Variants in CCDC39 observed in about 807,000 individuals in gnomAD.
CCDC39 encodes coiled-coil domain-containing protein 39.
Under a neutral mutation model 121.0 loss-of-function variants are expected in CCDC39, and 113 were observed. That is an observed-to-expected ratio of 0.93 (90% CI 0.80 to 1.09). The LOEUF (loss-of-function observed/expected upper bound fraction) is 1.09. Among genes scored for constraint, CCDC39 ranks in the 50% least tolerant of loss-of-function variants. The probability of loss-of-function intolerance (pLI) is 0.00; values close to 1 mark genes in which losing one functional copy is unlikely to be tolerated. For synonymous variants in CCDC39, 349 were observed against 352.2 expected (o/e 0.99, Z 0.10); for missense variants, 1,063 against 1,074.7 (o/e 0.99, Z 0.15).
chr3:180,641,039 TC>T (rs1717941968), intron 13 of CCDC39, among the ~76,000 whole-genome samples: 1 of 152,010 alleles, frequency 6.6e-6, no homozygotes, highest in Admixed American at 6.6e-5. Context: ...ATTAAAATAT[TC>T]CCTAACAAAA....
chr3:180,650,865 A>G (rs1718185398), intron 9 of CCDC39, among the ~76,000 whole-genome samples: 1 of 151,928 alleles, frequency 6.6e-6, no homozygotes. Context: ...TCAAAAAAAT[A>G]AAATAAAATA....
Position 180,631,582 on chromosome 3 carries a change from G to A in CCDC39, c.1885C>T (p.Arg629Cys), listed in dbSNP as rs199526690. 380 of 1,606,264 alleles carry A rather than the reference G, an allele frequency of 2.4e-4. No individual in the cohort carries two copies. In the Middle Eastern group the frequency reaches 4.5e-3, roughly 19 times the overall value. ...TTCTCAATTTTACTTAGCCGCTCGCGAAACTCAGTGCTAATAAGAAAAAGA... is the reference window on the plus strand; with the variant it reads ...TTCTCAATTTTACTTAGCCGCTCGCAAAACTCAGTGCTAATAAGAAAAAGA... ...QERENISTEFRERLSKIEKLK... is the reference protein window; with the variant it reads ...QERENISTEFCERLSKIEKLK... Residue 629 changes from arginine (R) to cysteine (C), a missense_variant, in exon 14 of 20, where the codon CGC (arginine) becomes TGC (cysteine). Transcript: ENST00000476379.
At chr3:180,622,676 A>T (rs1406217693) in intron 14 of CCDC39, among the ~76,000 whole-genome samples, 1 of 151,880 alleles carries the variant, frequency 6.6e-6, no homozygotes, top group Non-Finnish European at 1.5e-5. Flanking sequence ...TGATTATATG[A>T]TTTTTGTCTT....
rs919269092 is a variant in CCDC39, at chr3:180,651,596, T to C, written c.1035-63A>G. 143 of 1,405,218 alleles carry C rather than the reference T, an allele frequency of 1.0e-4. No homozygotes were observed. The East Asian group carries it at 3.7e-3, about 36-fold the overall frequency. 87.0% of individuals were successfully genotyped at this position (1,405,218 alleles called of 1,614,324 possible). On this transcript the variant is annotated intron_variant, in intron 8 of 19. Transcript: ENST00000476379. ...CTAAAAAGCATTTCATACAAACAAA[T>C]AATAGTTTATCCTAATATTTATTTG...
rs1717695462 is a variant in CCDC39 at position 180,631,498 on chromosome 3, CCTCTT to C, written c.1964_1968del (p.Glu655GlyfsTer23). The C allele has an allele frequency of 2.5e-6, 4 of 1,607,138 alleles. No homozygotes were observed. Among genetic ancestry groups the C allele is most frequent in the Non-Finnish European group, 3.4e-6 (4 of 1,178,972 alleles). ...ATTACATAATAGGCCTGTGTTTTCT[CCTCTT>C]CTCCTTCAGGAGGCAGCATAACAAC... On this transcript the variant is annotated frameshift_variant, in exon 14 of 20. Coordinates refer to ENST00000476379, the MANE Select transcript of CCDC39 (RefSeq NM_181426.2). LOFTEE classifies it high-confidence loss of function.
chr3:180,673,079 TGAG>T (rs1323147917), intron 1 of CCDC39, among the ~76,000 whole-genome samples: 3 of 152,224 alleles, frequency 2.0e-5, no homozygotes, highest in Non-Finnish European at 4.4e-5. Flanking sequence ...CTTGAACAGA[TGAG>T]GAGTTGTCTC....
chr3:180,647,562 G>A (rs1425668358), intron 10 of CCDC39, among the ~76,000 whole-genome samples: 1 of 152,004 alleles, frequency 6.6e-6, no homozygotes, highest in East Asian at 1.9e-4. Context: ...GGATTTCTGA[G>A]GGCACATTAT....
At chr3:180,623,678 T>G in intron 14 of CCDC39, among the ~76,000 whole-genome samples, 1 of 152,130 alleles carries the variant, frequency 6.6e-6, no homozygotes, top group East Asian at 1.9e-4. Context: ...TTTCAAAAAT[T>G]TTTTTAAATT....
In CCDC39 at chr3:180,616,535, AG is replaced by A; in HGVS notation, c.2566del (p.Leu856PhefsTer10). ...IEENTEIRII[L>X]QTYFQQSGLE... ...TATTACCTGTTGAAAGTATGTTTGA[AG>A]GATAATACGGATCTCAGTATTTTCT... On this transcript the variant is annotated frameshift_variant, in exon 18 of 20. Coordinates refer to ENST00000476379, the MANE Select transcript of CCDC39 (RefSeq NM_181426.2). LOFTEE classifies it high-confidence loss of function. 1 of 1,558,608 alleles carries A rather than the reference AG, an allele frequency of 6.4e-7. No individual in the cohort carries two copies. Among genetic ancestry groups the A allele is most frequent in the Non-Finnish European group, 8.7e-7 (1 of 1,154,102 alleles).
At position 180,624,922 on chromosome 3, in the gene CCDC39, A is replaced by G. The variant is rs1161365172; in HGVS notation, c.1999-4952T>C. 2.0e-5 allele frequency among the ~76,000 whole-genome samples: 3 copies of G among 152,066 alleles called. No homozygotes were observed. In the East Asian group the frequency reaches 5.8e-4, roughly 29 times the overall value. On this transcript the variant is annotated intron_variant, in intron 14 of 19. Transcript: ENST00000476379. The stretch of plus-strand genomic sequence containing the variant: ...TGGGGTTTCCTTTATAGGTGACTAG[A>G]TGCTTTTCTCTTGCTAATTTTAACT...
At chr3:180,638,145 A>G (rs1717874868) in intron 13 of CCDC39, among the ~76,000 whole-genome samples, 1 of 152,124 alleles carries the variant, frequency 6.6e-6, no homozygotes, top group Admixed American at 6.5e-5. Flanking sequence ...AAATGACAAA[A>G]TGCCCAGACA....
At chr3:180,672,204 G>C (rs542135726) in intron 1 of CCDC39, among the ~76,000 whole-genome samples, 1 of 151,648 alleles carries the variant, frequency 6.6e-6, no homozygotes, top group East Asian at 1.9e-4. Context: ...CTATAGATAG[G>C]AAAAAAAAGC....
chr3:180,642,019 A>G lies in CCDC39; in HGVS notation c.1848T>C (p.Tyr616=), dbSNP rs774871939. 115 of 1,597,300 alleles carry G rather than the reference A, an allele frequency of 7.2e-5. No homozygotes were observed. The South Asian group carries it at 1.2e-3, about 17-fold the overall frequency. ...HKTMLASQIR[Y]VDQERENIST... is the part of the protein sequence containing the mutation. ...TTATGTTTTCCCGTTCTTGATCAAC[A>G]TATCTTATTTGTGACGCAAGCATTG... is the stretch of plus-strand genomic sequence containing the variant. The change falls in exon 13 of 20, where the codon TAT becomes TAC. Residue 616 remains tyrosine (Y), a synonymous_variant. Transcript: ENST00000476379.
chr3:180,662,743 A>G (rs1050027713), intron 2 of CCDC39, among the ~76,000 whole-genome samples: 4 of 152,194 alleles, frequency 2.6e-5, no homozygotes, highest in Non-Finnish European at 4.4e-5. Context: ...TCACATTGAG[A>G]TTCAAGAATT....
At chr3:180,654,221 C>CAAAAAAAAAAAAA (rs76424115) in intron 7 of CCDC39, among the ~76,000 whole-genome samples, 1 of 44,934 alleles carries the variant, frequency 2.2e-5, no homozygotes, top group East Asian at 8.0e-4. Context: ...TAGCCACACG[C>CAAAAAAAAAAAAA]AAAAAAAAAA....
chr3:180,620,507 A>G (rs753568563), intron 14 of CCDC39, among the ~76,000 whole-genome samples: 5 of 152,040 alleles, frequency 3.3e-5, no homozygotes, highest in African/African-American at 1.2e-4. Context: ...TATTTCCTCT[A>G]AGAGTGGACA....
intron 16 of CCDC39, among the ~76,000 whole-genome samples, chr3:180,618,056 T>C (rs1717314466): frequency 6.6e-6 from 1 of 152,170 alleles, no homozygotes; most frequent in Non-Finnish European, 1.5e-5. Flanking sequence ...CAAGTACCAC[T>C]GTGTTACAGT....
At chr3:180,654,345 G>C (rs1160287635) in intron 7 of CCDC39, among the ~76,000 whole-genome samples, 1 of 149,428 alleles carries the variant, frequency 6.7e-6, no homozygotes, top group Non-Finnish European at 1.5e-5. Context: ...ACTTCTCAAA[G>C]AAAACACAGG....
chr3:180,651,947 A>G (rs1369414611), intron 8 of CCDC39, among the ~76,000 whole-genome samples: 3 of 151,958 alleles, frequency 2.0e-5, no homozygotes, highest in Non-Finnish European at 2.9e-5. Flanking sequence ...TGAGGCAGGA[A>G]AATGGTGTGA....
Sources: gnomAD v4.1 joint callset for allele counts (sites outside exome capture counted in the v4.1 genomes callset) on GRCh38, gnomAD v4.1.1 for gene constraint, MANE v1.5 for transcripts, NCBI Gene and HGNC (gene_info 2026-07-23, HGNC 2026-07-21) for gene names.